Variants in SH3RF3 observed in about 807,000 individuals in gnomAD.
The protein encoded by SH3RF3 is SH3 domain containing ring finger 3.
Under a neutral mutation model 66.3 loss-of-function variants are expected in SH3RF3, and 29 were observed. The observed-to-expected ratio is 0.44, with a 90% confidence interval of 0.33 to 0.60. SH3RF3 has a LOEUF of 0.60. Ranked by LOEUF, SH3RF3 falls within the 20% of genes least tolerant of loss-of-function variation. The pLI is 0.04. For missense variants in SH3RF3, 1,194 were observed against 1,190.9 expected (o/e 1.00, Z -0.04); for synonymous variants, 583 against 532.0 (o/e 1.10, Z -1.32).
intron 2 of SH3RF3, among the ~76,000 whole-genome samples, chr2:109,354,688 T>C (rs1682910938): frequency 6.6e-6 from 1 of 152,234 alleles, no homozygotes; most frequent in Non-Finnish European, 1.5e-5. Context: ...GCCAGCCACC[T>C]CCAGTGGCAT....
At chr2:109,133,993 A>G (rs1676759498) in intron 1 of SH3RF3, among the ~76,000 whole-genome samples, 1 of 152,144 alleles carries the variant, frequency 6.6e-6, no homozygotes, top group South Asian at 2.1e-4. Context: ...AGGCCAGGAT[A>G]GAGGGTGTCT....
At chr2:109,194,495 G>C (rs1199072336) in intron 1 of SH3RF3, among the ~76,000 whole-genome samples, 1 of 152,246 alleles carries the variant, frequency 6.6e-6, no homozygotes, top group African/African-American at 2.4e-5. Flanking sequence ...CTGACAGGTG[G>C]GTGGTGCGCA....
chr2:109,194,371 C>T (rs1678444157), intron 1 of SH3RF3, among the ~76,000 whole-genome samples: 1 of 152,230 alleles, frequency 6.6e-6, no homozygotes, highest in African/African-American at 2.4e-5. Flanking sequence ...GTGTCTGCTG[C>T]CACCCCTGCT....
At chr2:109,479,074 G>A (rs12616791) in intron 8 of SH3RF3, among the ~76,000 whole-genome samples, 73,163 of 152,006 alleles carry the variant, frequency 0.48, 18,868 homozygotes, top group Non-Finnish European at 0.56. Flanking sequence ...CTGGAACCTT[G>A]GCCGGGCTGC....
At chr2:109,303,923 A>C (rs2008775) in intron 1 of SH3RF3, among the ~76,000 whole-genome samples, 48,086 of 151,824 alleles carry the variant, frequency 0.32, 9,575 homozygotes, top group African/African-American at 0.57. Flanking sequence ...ACTATAAGAT[A>C]TAACCCCGTC....
intron 1 of SH3RF3, among the ~76,000 whole-genome samples, chr2:109,255,747 G>C (rs1475608135): frequency 6.6e-6 from 1 of 152,232 alleles, no homozygotes; most frequent in East Asian, 1.9e-4. Context: ...TCTAGGGCCA[G>C]AATCTCTGCT....
At chr2:109,153,267 G>A (rs1003343609) in intron 1 of SH3RF3, among the ~76,000 whole-genome samples, 1 of 152,200 alleles carries the variant, frequency 6.6e-6, no homozygotes, top group African/African-American at 2.4e-5. Context: ...TTCTTGAAGG[G>A]AATGTAGGTG....
intron 1 of SH3RF3, among the ~76,000 whole-genome samples, chr2:109,178,016 C>A (rs1226210241): frequency 6.6e-6 from 1 of 152,188 alleles, no homozygotes; most frequent in Non-Finnish European, 1.5e-5. Context: ...GGGCCTAAAT[C>A]TTTTCTCCCA....
At chr2:109,480,901 C>G (rs1049039086) in intron 8 of SH3RF3, among the ~76,000 whole-genome samples, 1 of 152,124 alleles carries the variant, frequency 6.6e-6, no homozygotes, top group African/African-American at 2.4e-5. Context: ...TGGTTTCTGT[C>G]TTAAAAGAAT....
chr2:109,186,123 C>G (rs376949473), intron 1 of SH3RF3, among the ~76,000 whole-genome samples: 1 of 152,376 alleles, frequency 6.6e-6, no homozygotes, highest in Non-Finnish European at 1.5e-5. Context: ...GGCCCTGTCT[C>G]TGTGTCCTTG....
At chr2:109,367,097 C>T (rs1019376717) in intron 2 of SH3RF3, among the ~76,000 whole-genome samples, 1 of 149,052 alleles carries the variant, frequency 6.7e-6, no homozygotes, top group African/African-American at 2.5e-5. Context: ...GGATTACAGG[C>T]ATATGCCACT....
chr2:109,144,897 C>G (rs944685902), intron 1 of SH3RF3, among the ~76,000 whole-genome samples: 1 of 152,230 alleles, frequency 6.6e-6, no homozygotes, highest in Admixed American at 6.5e-5. Flanking sequence ...GTTCCCAGAG[C>G]TGGGGTGCTG....
intron 1 of SH3RF3, among the ~76,000 whole-genome samples, chr2:109,151,971 G>A (rs1456484938): frequency 2.0e-5 from 3 of 152,236 alleles, no homozygotes; most frequent in Non-Finnish European, 2.9e-5. Flanking sequence ...AAATTGGTCT[G>A]AAACCCAGAT....
At chr2:109,450,504 T>A (rs1275360020) in intron 8 of SH3RF3, among the ~76,000 whole-genome samples, 1 of 152,246 alleles carries the variant, frequency 6.6e-6, no homozygotes, top group African/African-American at 2.4e-5. Flanking sequence ...ATTTTAAATT[T>A]TCTAGTAGCC....
intron 1 of SH3RF3, among the ~76,000 whole-genome samples, chr2:109,298,265 C>T (rs914236714): frequency 3.3e-5 from 5 of 151,976 alleles, no homozygotes; most frequent in Non-Finnish European, 5.9e-5. Flanking sequence ...GCTATGTCCC[C>T]GAGGAGCAGA....
At chr2:109,200,650 ACCTGGCCAAG>A (rs1442991579) in intron 1 of SH3RF3, among the ~76,000 whole-genome samples, 2 of 151,812 alleles carry the variant, frequency 1.3e-5, no homozygotes, top group East Asian at 3.9e-4. Flanking sequence ...CCCCACCCCT[ACCTGGCCAAG>A]CTGGAGGCCT....
chr2:109,331,249 C>T (rs1049097525), intron 1 of SH3RF3, among the ~76,000 whole-genome samples: 3 of 152,132 alleles, frequency 2.0e-5, no homozygotes, highest in Non-Finnish European at 2.9e-5. Context: ...GACCCCCACC[C>T]GCCTGTCCCG....
chr2:109,382,074 A>G (rs1184752190), intron 3 of SH3RF3, among the ~76,000 whole-genome samples: 1 of 152,132 alleles, frequency 6.6e-6, no homozygotes, highest in Non-Finnish European at 1.5e-5. Context: ...CTTATGAGAA[A>G]GGGGTGTTTG....
intron 1 of SH3RF3, among the ~76,000 whole-genome samples, chr2:109,318,131 A>G (rs1681930325): frequency 6.6e-6 from 1 of 151,872 alleles, no homozygotes; most frequent in Admixed American, 6.6e-5. Context: ...AAGCAGAAAA[A>G]CCATTCTAGG....
Sources: allele counts gnomAD v4.1 joint callset (sites outside exome capture counted in the v4.1 genomes callset), GRCh38; gene constraint gnomAD v4.1.1; transcripts MANE v1.5; gene names NCBI Gene and HGNC (gene_info 2026-07-23, HGNC 2026-07-21).